CFAP77: variants seen among roughly 807,000 people sequenced by gnomAD.
CFAP77 encodes cilia- and flagella-associated protein 77.
In CFAP77, 25 loss-of-function variants were observed where a neutral mutation model predicts 31.1. The observed-to-expected ratio is 0.80, with a 90% CI of 0.59 to 1.12. CFAP77 has a LOEUF of 1.12. Ranked by LOEUF, CFAP77 falls within the 50% of genes most tolerant of loss-of-function variation. The pLI is 0.00. For missense variants in CFAP77, 377 were observed against 397.3 expected (o/e 0.95, Z 0.44); for synonymous variants, 151 against 159.9 (o/e 0.94, Z 0.42).
chr9:132,551,641 T>C (rs1400948182), intron 5 of CFAP77, among the ~76,000 whole-genome samples: 2 of 152,188 alleles, frequency 1.3e-5, no homozygotes, highest in African/African-American at 4.8e-5. Context: ...TGTCAATAAC[T>C]CTCAATAACC....
intron 3 of CFAP77, among the ~76,000 whole-genome samples, chr9:132,532,071 A>T (rs1852462393): frequency 6.6e-6 from 1 of 152,078 alleles, no homozygotes; most frequent in African/African-American, 2.4e-5. Context: ...GTGTGTAATA[A>T]TTAAGTAATA....
intron 1 of CFAP77, among the ~76,000 whole-genome samples, chr9:132,459,449 G>GTA (rs1202335580): frequency 1.3e-5 from 2 of 150,262 alleles, no homozygotes; most frequent in African/African-American, 2.5e-5. Flanking sequence ...GTGTGTGTGT[G>GTA]TGTGTATGTG....
chr9:132,571,853 G>A (rs2119116729), intron 5 of CFAP77, among the ~76,000 whole-genome samples: 1 of 151,388 alleles, frequency 6.6e-6, no homozygotes, highest in Admixed American at 6.6e-5. Context: ...AACTGAAGAG[G>A]CTCCCACTCT....
intron 1 of CFAP77, among the ~76,000 whole-genome samples, chr9:132,427,367 A>G (rs2131686518): frequency 6.6e-6 from 1 of 151,818 alleles, no homozygotes; most frequent in Non-Finnish European, 1.5e-5. Context: ...CCTATGTCCC[A>G]CCCACTCCAC....
chr9:132,508,013 A>G (rs112843695), intron 3 of CFAP77, among the ~76,000 whole-genome samples: 1,627 of 152,180 alleles, frequency 0.011, 26 homozygotes, highest in African/African-American at 0.038. Context: ...GCGCAGGGAG[A>G]ATGTCAGTTT....
chr9:132,509,005 T>G (rs1163741755), intron 3 of CFAP77, among the ~76,000 whole-genome samples: 2 of 152,120 alleles, frequency 1.3e-5, no homozygotes, highest in Non-Finnish European at 2.9e-5. Context: ...TCCGTTCACG[T>G]TGGTGCCAGT....
At chr9:132,563,187 A>T (rs919542128) in intron 5 of CFAP77, among the ~76,000 whole-genome samples, 1 of 149,356 alleles carries the variant, frequency 6.7e-6, no homozygotes, top group East Asian at 2.0e-4. Flanking sequence ...CCCTGCTAAA[A>T]TTTTTTCTGT....
Position 132,545,593 on chromosome 9 carries a change from G to A in CFAP77, c.732+2546G>A, listed in dbSNP as rs990878068. Among the ~76,000 whole-genome samples the A allele has an allele frequency of 1.3e-5, 2 of 152,182 alleles. No homozygotes were observed. Among genetic ancestry groups the A allele is most frequent in the Non-Finnish European group, 1.5e-5 (1 of 68,038 alleles). ...GCCAAGGGAAATGGGGAATTGTGCC[G>A]GGTTCATCCCTGGATGCCACCCTGT... On this transcript the variant is annotated intron_variant, in intron 5 of 5. Transcript: ENST00000393216. This position sits in a 1 kb window ranked among gnomAD's most constrained non-coding sequence, Gnocchi z 4.6.
chr9:132,559,858 G>C (rs931558956), intron 5 of CFAP77, among the ~76,000 whole-genome samples: 1 of 152,172 alleles, frequency 6.6e-6, no homozygotes, highest in Non-Finnish European at 1.5e-5. Flanking sequence ...GGAATGAAGC[G>C]GTCCTCTGTG....
chr9:132,433,406 C>G (rs1366455235), intron 1 of CFAP77, among the ~76,000 whole-genome samples: 1 of 152,148 alleles, frequency 6.6e-6, no homozygotes, highest in Non-Finnish European at 1.5e-5. Context: ...AGCTGGTACT[C>G]ACCTTCTCAC....
In CFAP77 at chr9:132,572,856, C is replaced by T; in HGVS notation, c.*346C>T. The T allele has an allele frequency of 3.2e-6, 1 of 311,312 alleles. No homozygotes were observed. The highest frequency in any genetic ancestry group is 5.9e-6 in the Non-Finnish European group (1 of 169,534). 19.3% of individuals were successfully genotyped at this position (311,312 alleles called of 1,614,324 possible). Reference sequence around the variant, plus strand: ...TAGACTCCAGGCTAAGGGTCGATTCCATGGCTCTGCCCATTAAGTGTTAAG... The same window carrying T: ...TAGACTCCAGGCTAAGGGTCGATTCTATGGCTCTGCCCATTAAGTGTTAAG... On this transcript the variant is annotated 3_prime_UTR_variant, in exon 6 of 6. Coordinates refer to ENST00000393216, the MANE Select transcript of CFAP77 (RefSeq NM_001282957.2).
chr9:132,443,746 A>ATG (rs1850658619), intron 1 of CFAP77, among the ~76,000 whole-genome samples: 1 of 152,210 alleles, frequency 6.6e-6, no homozygotes, highest in Non-Finnish European at 1.5e-5. Flanking sequence ...GGAGAACGCT[A>ATG]TGGTCTGTAA....
chr9:132,466,421 C>T lies in CFAP77; in HGVS notation c.196-32274C>T, dbSNP rs1015376313. On this transcript the variant is annotated intron_variant, in intron 1 of 5. Transcript: ENST00000393216. ...CTGCATGAAGCCAGGCACCCTTATA[C>T]ACCAAGTCCCAGGAGGAGCACAGTT... Among the ~76,000 whole-genome samples the T allele has an allele frequency of 2.6e-5, 4 of 152,344 alleles. No homozygotes were observed. The South Asian group carries it at 6.2e-4, about 24-fold the overall frequency.
intron 1 of CFAP77, among the ~76,000 whole-genome samples, chr9:132,448,205 A>T (rs1346464936): frequency 6.6e-6 from 1 of 152,168 alleles, no homozygotes; most frequent in Non-Finnish European, 1.5e-5. Context: ...ACATGCACAC[A>T]CACACACTGT....
intron 3 of CFAP77, among the ~76,000 whole-genome samples, chr9:132,508,026 T>C (rs985365881): frequency 6.6e-6 from 1 of 152,202 alleles, no homozygotes; most frequent in Non-Finnish European, 1.5e-5. Context: ...GTCAGTTTCA[T>C]CCATCGCTGC....
rs114201942 is a variant in CFAP77 at position 132,565,694 on chromosome 9, A to G, written c.733-6694A>G. Among the ~76,000 whole-genome samples the G allele has an allele frequency of 2.4e-3, 366 of 152,042 alleles. 2 individuals are homozygous for G. Among genetic ancestry groups the G allele is most frequent in the African/African-American group, 8.6e-3 (358 of 41,488 alleles). ...AAACAATCACATGTACAGTGTGTTT[A>G]GTGACCGCTTCCCAAGATGTCTCCC... On this transcript the variant is annotated intron_variant, in intron 5 of 5. Transcript: ENST00000393216. The surrounding 1 kb of genome is among the most constrained non-coding windows in gnomAD (Gnocchi z 4.1).
chr9:132,439,710 G>C (rs374579785), intron 1 of CFAP77, among the ~76,000 whole-genome samples: 1 of 152,040 alleles, frequency 6.6e-6, no homozygotes, highest in South Asian at 2.1e-4. Context: ...TTAGCCGGGC[G>C]TGGTGGCGGG....
intron 1 of CFAP77, among the ~76,000 whole-genome samples, chr9:132,437,838 C>T (rs144239445): frequency 2.5e-3 from 371 of 151,080 alleles, no homozygotes; most frequent in Non-Finnish European, 4.1e-3. Context: ...GAGATCACCC[C>T]GGGTGTGGAA....
intron 1 of CFAP77, among the ~76,000 whole-genome samples, chr9:132,474,241 G>A (rs1851309915): frequency 6.6e-6 from 1 of 152,224 alleles, no homozygotes; most frequent in African/African-American, 2.4e-5. Context: ...TCTGGTGGGT[G>A]CCTTGCTCTG....
Sources: gnomAD v4.1 joint callset for allele counts (sites outside exome capture counted in the v4.1 genomes callset) on GRCh38, gnomAD v4.1.1 for gene constraint, Gnocchi (gnomAD v3.1) non-coding constraint, MANE v1.5 for transcripts, NCBI Gene and HGNC (gene_info 2026-07-23, HGNC 2026-07-21) for gene names.